PECR: variants seen among roughly 807,000 people sequenced by gnomAD.
PECR encodes the protein peroxisomal trans-2-enoyl-CoA reductase, also known as 2,4-dienoyl-CoA reductase-related protein.
Under a neutral mutation model 35.3 loss-of-function variants are expected in PECR, and 30 were observed. The ratio of observed to expected loss-of-function variants is 0.85; its 90% CI spans 0.64 to 1.15. The LOEUF (loss-of-function observed/expected upper bound fraction) is 1.15. Ranked by LOEUF, PECR falls within the 50% of genes most tolerant of loss-of-function variation. PECR has a pLI of 0.00. For missense variants in PECR, 392 were observed against 370.8 expected, an observed-to-expected ratio of 1.06 and a Z score of -0.47; for synonymous variants, 148 against 138.9, an observed-to-expected ratio of 1.07 and a Z score of -0.46.
rs768006106 is a variant in PECR at position 216,051,530 on chromosome 2, T to A, written c.522A>T (p.Ala174=). Reference sequence around the variant, plus strand: ...TGGTGAGGTTGTAAACACCTGCTCTTGCAGCTCCAGAATGCCTTTGAAAGA... The same window carrying A: ...TGGTGAGGTTGTAAACACCTGCTCTAGCAGCTCCAGAATGCCTTTGAAAGA... ...GFPLAVHSGA[A]RAGVYNLTKS... is the part of the protein sequence containing the mutation. The change falls in exon 5 of 8, where the codon GCA becomes GCT. Residue 174 remains alanine (A), a synonymous_variant. Coordinates refer to ENST00000265322, the MANE Select transcript of PECR (RefSeq NM_018441.6). 1 of 1,609,062 alleles carries A rather than the reference T, an allele frequency of 6.2e-7. No individual in the cohort carries two copies.
chr2:216,052,434 TTA>T (rs1695133232), intron 4 of PECR, among the ~76,000 whole-genome samples: 2 of 152,220 alleles, frequency 1.3e-5, no homozygotes, highest in African/African-American at 2.4e-5. Flanking sequence ...CTTGCAGATT[TTA>T]TATGTTTGAA....
chr2:216,075,101 T>C (rs1232232089), intron 1 of PECR, among the ~76,000 whole-genome samples: 3 of 152,140 alleles, frequency 2.0e-5, no homozygotes, highest in African/African-American at 7.2e-5. Flanking sequence ...TGAGACCTTG[T>C]CTCTAAAAAA....
Position 216,066,404 on chromosome 2 carries a change from T to C in PECR, c.239A>G (p.Asn80Ser). 1 of 1,612,010 alleles carries C rather than the reference T, an allele frequency of 6.2e-7. No homozygotes were observed. The highest frequency in any genetic ancestry group is 8.5e-7 in the Non-Finnish European group (1 of 1,178,052). ...KQARVIPIQC[N>S]IRNEEEVNNL... The stretch of plus-strand genomic sequence containing the variant: ...CATTACCTCCTCCTCATTCCGGATG[T>C]TGCATTGTATGGGAATGACTCGTGC... Residue 80 changes from asparagine to serine, a missense_variant, in exon 2 of 8, where the codon AAC (asparagine) becomes AGC (serine). Physicochemically the swap from Asn to Ser is conservative, Grantham distance 46. Transcript: ENST00000265322.
chr2:216,050,622 G>T (rs1212711608), intron 5 of PECR, among the ~76,000 whole-genome samples: 2 of 152,218 alleles, frequency 1.3e-5, no homozygotes, highest in Non-Finnish European at 2.9e-5. Flanking sequence ...CTATAGATAG[G>T]CTGGGCGCAG....
At chr2:216,073,578 T>A (rs1268420559) in intron 1 of PECR, among the ~76,000 whole-genome samples, 4 of 152,056 alleles carry the variant, frequency 2.6e-5, no homozygotes, top group Non-Finnish European at 5.9e-5. Flanking sequence ...GGTGTACCAT[T>A]TTTTATATTT....
At chr2:216,037,277 G>A (rs1401141400), downstream of PECR, among the ~76,000 whole-genome samples, 2 of 152,306 alleles carry the variant, frequency 1.3e-5, no homozygotes, top group East Asian at 3.9e-4. Flanking sequence ...TCCAGTGATA[G>A]TCTAAGAAGA....
At position 216,039,034 on chromosome 2, in the gene PECR, T is replaced by A; in HGVS notation, c.*241A>T. 2.8e-6 allele frequency: 1 copy of A among 359,956 alleles called. No individual in the cohort carries two copies. Among genetic ancestry groups the A allele is most frequent in the Non-Finnish European group, 5.2e-6 (1 of 193,816 alleles). 22.3% of individuals were successfully genotyped at this position (359,956 alleles called of 1,614,324 possible). ...AAATACTTTTCTTAGAAATAAAAAG[T>A]AAAGTCATTAAAATATGTTAATTTC... is the stretch of plus-strand genomic sequence containing the variant. On this transcript the variant is annotated 3_prime_UTR_variant, in exon 8 of 8. Transcript: ENST00000265322.
Position 216,081,665 on chromosome 2 carries a change from C to A in PECR, c.77G>T (p.Gly26Val), listed in dbSNP as rs1415596603. 1 of 1,613,630 alleles carries A rather than the reference C, an allele frequency of 6.2e-7. No homozygotes were observed. Among genetic ancestry groups the A allele is most frequent in the Non-Finnish European group, 8.5e-7 (1 of 1,179,972 alleles). Residue 26 changes from glycine to valine, a missense_variant, in exon 1 of 8, where the codon GGG (glycine) becomes GTG (valine). Transcript: ENST00000265322. ...LQGQVAIVTG[G>V]ATGIGKAIVK... is the part of the protein sequence containing the mutation. ...GATGGCTTTTCCGATGCCCGTGGCC[C>A]CGCCGGTGACGATGGCCACTTGGCC... is the stretch of plus-strand genomic sequence containing the variant.
At chr2:216,032,355 A>G (rs753741185) in intron 7 of PECR, among the ~76,000 whole-genome samples, 2 of 152,230 alleles carry the variant, frequency 1.3e-5, no homozygotes, top group Non-Finnish European at 2.9e-5. Flanking sequence ...AAATTTACCA[A>G]CTGGATATAA....
chr2:216,051,414 T>C (rs778736436), intron 5 of PECR, 35 bp downstream of exon 5: 2 of 1,231,998 alleles, frequency 1.6e-6, no homozygotes, highest in East Asian at 4.6e-5. Flanking sequence ...AAAGCATAAT[T>C]TGTCAATAAA....
chr2:216,049,515 C>T, intron 5 of PECR, 142 bp from the exon 6 acceptor site: 1 of 567,850 alleles, frequency 1.8e-6, no homozygotes, highest in Non-Finnish European at 3.1e-6. Context: ...TATTAAATTT[C>T]CTCCATGTTG....
intron 7 of PECR, among the ~76,000 whole-genome samples, chr2:216,042,308 G>A (rs561728515): frequency 2.3e-4 from 35 of 152,310 alleles, no homozygotes; most frequent in African/African-American, 8.2e-4. Flanking sequence ...TGTGTTGTGA[G>A]AGCAGAGGAA....
At chr2:216,070,576 G>A (rs147891613) in intron 1 of PECR, among the ~76,000 whole-genome samples, 119 of 152,246 alleles carry the variant, frequency 7.8e-4, no homozygotes, top group African/African-American at 2.6e-3. Context: ...CGGTCATTAC[G>A]ACACTGAACG....
intron 7 of PECR, among the ~76,000 whole-genome samples, chr2:216,041,461 T>C (rs1694884866): frequency 6.6e-6 from 1 of 152,224 alleles, no homozygotes. Context: ...ATGTTATTAG[T>C]AATGAAATAC....
intron 1 of PECR, among the ~76,000 whole-genome samples, chr2:216,072,375 A>T (rs1695607840): frequency 6.6e-6 from 1 of 152,190 alleles, no homozygotes; most frequent in Non-Finnish European, 1.5e-5. Context: ...CTGCATATGA[A>T]AATAAGGCAC....
At chr2:216,060,809 A>G (rs1695324102) in intron 3 of PECR, among the ~76,000 whole-genome samples, 1 of 152,192 alleles carries the variant, frequency 6.6e-6, no homozygotes, top group Non-Finnish European at 1.5e-5. Context: ...TCAGAGAGAA[A>G]ATGACAATAA....
intron 7 of PECR, 70 bp downstream of exon 7, chr2:216,043,834 A>T (rs989491863): frequency 1.3e-6 from 1 of 791,754 alleles, no homozygotes; most frequent in East Asian, 2.5e-5. Flanking sequence ...GTAACTACTT[A>T]TAATAAATTT....
At position 216,051,529 on chromosome 2, in the gene PECR, T is replaced by C. The variant is rs560544620; in HGVS notation, c.523A>G (p.Arg175Gly). Residue 175 changes from arginine (R) to glycine (G), a missense_variant, in exon 5 of 8, where the codon AGA (arginine) becomes GGA (glycine). Physicochemically the swap from Arg to Gly is moderately radical, Grantham distance 125 (BLOSUM62 -2). Coordinates refer to ENST00000265322, the MANE Select transcript of PECR (RefSeq NM_018441.6). ...TTGGTGAGGTTGTAAACACCTGCTC[T>C]TGCAGCTCCAGAATGCCTTTGAAAG... is the stretch of plus-strand genomic sequence containing the variant. ...FPLAVHSGAARAGVYNLTKSL... is the reference protein window; with the variant it reads ...FPLAVHSGAAGAGVYNLTKSL... The C allele has an allele frequency of 6.2e-6, 10 of 1,609,410 alleles. No individual in the cohort carries two copies. In the African/African-American group the frequency reaches 8.0e-5, roughly 13 times the overall value.
intron 6 of PECR, among the ~76,000 whole-genome samples, chr2:216,047,551 C>T (rs900847992): frequency 6.6e-6 from 1 of 152,180 alleles, no homozygotes; most frequent in African/African-American, 2.4e-5. Flanking sequence ...ACTCCATAAA[C>T]TCCCACATAT....
Sources: allele counts gnomAD v4.1 joint callset (sites outside exome capture counted in the v4.1 genomes callset), GRCh38; gene constraint gnomAD v4.1.1; transcripts MANE v1.5; gene names NCBI Gene and HGNC (gene_info 2026-07-23, HGNC 2026-07-21).